Variants in IPO13 observed in about 807,000 individuals in gnomAD.
The protein encoded by IPO13 is importin 13.
A neutral mutation model predicts 115.5 loss-of-function variants in IPO13; 28 were observed. That is an observed-to-expected ratio of 0.24 (90% CI 0.18 to 0.33). The LOEUF (loss-of-function observed/expected upper bound fraction) is 0.33. Among genes scored for constraint, IPO13 ranks in the 10% least tolerant of loss-of-function variants. The pLI is 1.00. For synonymous variants in IPO13, 414 were observed against 478.9 expected (o/e 0.86, Z 1.77); for missense variants, 785 against 1,204.6 (o/e 0.65, Z 5.16).
At chr1:43,961,294 G>T in intron 14 of IPO13, 32 bp downstream of exon 14, 3 of 1,511,772 alleles carry the variant, frequency 2.0e-6, no homozygotes, top group Non-Finnish European at 1.8e-6. Context: ...TGCTGCTGCT[G>T]CCACTGCCAC....
chr1:43,949,518 C>T lies in IPO13; in HGVS notation c.186C>T (p.Ser62=), dbSNP rs150923394. ...AQVSPQAWHF[S]WQLLQPDKVP... The stretch of plus-strand genomic sequence containing the variant: ...TCTCCCCACAGGCCTGGCACTTCAG[C>T]TGGCAGCTACTGCAGCCCGACAAGG... Residue 62 remains serine, a synonymous_variant, in exon 2 of 20, where the codon AGC becomes AGT. Coordinates refer to ENST00000372343, the MANE Select transcript of IPO13 (RefSeq NM_014652.4). 3.7e-6 allele frequency: 6 copies of T among 1,614,088 alleles called. No individual in the cohort carries two copies. The African/African-American group carries it at 6.7e-5, about 18-fold the overall frequency.
In IPO13 at chr1:43,956,167, A is replaced by G. The variant is rs1005040333; in HGVS notation, c.822-153A>G. ...GTTCTTCCCAACATTGGGAACATCA[A>G]ATCTGCCATGTAGACCCTGACCCTT... On this transcript the variant is annotated intron_variant, in intron 2 of 19. Transcript: ENST00000372343. The surrounding 1 kb of genome is among the most constrained non-coding windows in gnomAD (Gnocchi z 4.7). 8.6e-5 allele frequency among the ~76,000 whole-genome samples: 13 copies of G among 152,006 alleles called. No homozygotes were observed. Among genetic ancestry groups the G allele is most frequent in the African/African-American group, 2.9e-4 (12 of 41,284 alleles).
Position 43,958,083 on chromosome 1 carries a change from C to T in IPO13, c.1647C>T (p.Ser549=). ...GNPELSVSSV[S]TLKKICRECK... ...CTGAGCTGTCTGTCTCTTCTGTGTCCACCCTCAAGAAGATCTGCCGAGAGT... is the reference window on the plus strand; with the variant it reads ...CTGAGCTGTCTGTCTCTTCTGTGTCTACCCTCAAGAAGATCTGCCGAGAGT... The change falls in exon 8 of 20, where the codon TCC becomes TCT. Residue 549 remains serine, a synonymous_variant. Transcript: ENST00000372343. This position sits in a 1 kb window ranked among gnomAD's most constrained non-coding sequence, Gnocchi z 6.3. 1 of 1,614,138 alleles carries T rather than the reference C, an allele frequency of 6.2e-7. No homozygotes were observed. Among genetic ancestry groups the T allele is most frequent in the Non-Finnish European group, 8.5e-7 (1 of 1,179,972 alleles).
Position 43,947,429 on chromosome 1 carries a change from C to T in IPO13, c.-172C>T, listed in dbSNP as rs1047873350. The T allele has an allele frequency of 1.5e-5, 6 of 403,860 alleles. No homozygotes were observed. The highest frequency in any genetic ancestry group is 2.2e-5 in the Non-Finnish European group (5 of 229,670). The allele number at this position is 403,860 out of a possible 1,614,324, so 25.0% of individuals were successfully genotyped here. The stretch of plus-strand genomic sequence containing the variant: ...GCACCAATTTTGGTCTCTGGCAAGC[C>T]TCCCACCCCCAAACGAGGTGGGGAG... On this transcript the variant is annotated 5_prime_UTR_variant, in exon 1 of 20. Transcript: ENST00000372343.
At chr1:43,953,189 C>T (rs754045951) in intron 2 of IPO13, 1 of 152,234 alleles carries the variant, frequency 6.6e-6, no homozygotes, top group African/African-American at 2.4e-5. Flanking sequence ...TAGCAACTCT[C>T]CCCATTTTCT....
chr1:43,960,329 G>T lies in IPO13; in HGVS notation c.2109G>T (p.Glu703Asp), dbSNP rs1217574940. The change falls in exon 12 of 20, where the codon GAG becomes GAT. Residue 703 changes from glutamate (E) to aspartate (D), a missense_variant and splice_region_variant. By Grantham distance (45) the Glu-to-Asp change is conservative. Coordinates refer to ENST00000372343, the MANE Select transcript of IPO13 (RefSeq NM_014652.4). ...SKWLNDAQVV[E>D]AVCAIFEKSV... ...GGTTGAATGATGCCCAGGTTGTGGA[G>T]GTGAGCCCTGACCCTTGCCCTCCGC... 6.2e-7 allele frequency: 1 copy of T among 1,614,074 alleles called. No individual in the cohort carries two copies. The highest frequency in any genetic ancestry group is 8.5e-7 in the Non-Finnish European group (1 of 1,179,948).
chr1:43,967,138 A>C lies in IPO13; in HGVS notation c.2613+119A>C. ...AGCTCTCAGATTCTGTTTCTTCTTCAATTAAATGCCTGAAAGTTGTTAGGA... is the reference window on the plus strand; with the variant it reads ...AGCTCTCAGATTCTGTTTCTTCTTCCATTAAATGCCTGAAAGTTGTTAGGA... On this transcript the variant is annotated intron_variant, in intron 18 of 19. Coordinates refer to ENST00000372343, the MANE Select transcript of IPO13 (RefSeq NM_014652.4). This position sits in a 1 kb window ranked among gnomAD's most constrained non-coding sequence, Gnocchi z 6.1. 1 of 1,141,444 alleles carries C rather than the reference A, an allele frequency of 8.8e-7. No homozygotes were observed. Among genetic ancestry groups the C allele is most frequent in the Non-Finnish European group, 1.3e-6 (1 of 768,142 alleles). The allele number at this position is 1,141,444 out of a possible 1,614,324, so 70.7% of individuals were successfully genotyped here.
At chr1:43,954,360 G>A (rs2085230003) in intron 2 of IPO13, among the ~76,000 whole-genome samples, 1 of 152,188 alleles carries the variant, frequency 6.6e-6, no homozygotes, top group Admixed American at 6.5e-5. Context: ...ACCAGAATGG[G>A]GATGTGGAGA....
chr1:43,963,625 T>C (rs1361193219), intron 14 of IPO13, among the ~76,000 whole-genome samples: 2 of 152,204 alleles, frequency 1.3e-5, no homozygotes, highest in African/African-American at 4.8e-5. Context: ...GCCCTGCCAG[T>C]GACTTGCCAG....
At chr1:43,951,849 G>A (rs182893347) in intron 2 of IPO13, among the ~76,000 whole-genome samples, 1 of 152,158 alleles carries the variant, frequency 6.6e-6, no homozygotes, top group Admixed American at 6.5e-5. Flanking sequence ...ATCCCAGATG[G>A]TTCACTTATT....
In IPO13 at chr1:43,958,116, T is replaced by C. The variant is rs1446630213; in HGVS notation, c.1680T>C (p.Tyr560=). Residue 560 remains tyrosine, a synonymous_variant, in exon 8 of 20, where the codon TAT becomes TAC. Transcript: ENST00000372343. The surrounding 1 kb of genome is among the most constrained non-coding windows in gnomAD (Gnocchi z 6.3). ...AGAAGATCTGCCGAGAGTGCAAGTA[T>C]GACCTGCCTCCCTATGCTGCCAACA... ...TLKKICRECK[Y]DLPPYAANIV... The C allele has an allele frequency of 1.2e-6, 2 of 1,614,086 alleles. No individual in the cohort carries two copies. The highest frequency in any genetic ancestry group is 2.7e-5 in the African/African-American group (2 of 74,922).
intron 7 of IPO13, 115 bp from the exon 8 acceptor site, chr1:43,957,862 A>T: frequency 1.0e-6 from 1 of 977,572 alleles, no homozygotes; most frequent in South Asian, 1.4e-5. Flanking sequence ...ATGGGGCAGT[A>T]CTCTGTGCTG....
rs994890888 is a variant in IPO13 at position 43,956,104 on chromosome 1, G to A, written c.822-216G>A. Among the ~76,000 whole-genome samples the A allele has an allele frequency of 2.0e-5, 3 of 151,608 alleles. No individual in the cohort carries two copies. Among genetic ancestry groups the A allele is most frequent in the South Asian group, 2.1e-4 (1 of 4,818 alleles). On this transcript the variant is annotated intron_variant, in intron 2 of 19. Transcript: ENST00000372343. This position sits in a 1 kb window ranked among gnomAD's most constrained non-coding sequence, Gnocchi z 4.7. ...ACCCATAATGCTGACCTTCTCATAC[G>A]TCCTTCTCAGAGTTCTTCTGGGGGT...
intron 2 of IPO13, among the ~76,000 whole-genome samples, chr1:43,954,287 C>G (rs2085229625): frequency 6.6e-6 from 1 of 152,174 alleles, no homozygotes; most frequent in East Asian, 1.9e-4. Flanking sequence ...CCGGCTGTCT[C>G]CAGGCAGCAC....
At position 43,956,460 on chromosome 1, in the gene IPO13, G is replaced by A. The variant is rs1190518168; in HGVS notation, c.962G>A (p.Arg321Gln). Reference protein sequence around the residue: ...IAVALGENHSRALLDQVEHWQ... With the variant: ...IAVALGENHSQALLDQVEHWQ... The stretch of plus-strand genomic sequence containing the variant: ...GTGGCCCTGGGCGAGAACCACTCCC[G>A]GTAAAGGGTGGAGCAGCTTGGGGTG... The change falls in exon 3 of 20, where the codon CGG (arginine) becomes CAG (glutamine). Residue 321 changes from arginine to glutamine, a missense_variant and splice_region_variant. This residue lies in a region of IPO13 where 325 missense variants were observed against 449.8 expected (regional missense o/e 0.72). Coordinates refer to ENST00000372343, the MANE Select transcript of IPO13 (RefSeq NM_014652.4). The surrounding 1 kb of genome is among the most constrained non-coding windows in gnomAD (Gnocchi z 4.7). 1.9e-6 allele frequency: 3 copies of A among 1,614,156 alleles called. No homozygotes were observed. Among genetic ancestry groups the A allele is most frequent in the Non-Finnish European group, 2.5e-6 (3 of 1,180,030 alleles).
Position 43,966,454 on chromosome 1 carries a change from T to G in IPO13, c.2398-121T>G. 1.0e-6 allele frequency: 1 copy of G among 960,784 alleles called. No homozygotes were observed. The allele number at this position is 960,784 out of a possible 1,614,324, so 59.5% of individuals were successfully genotyped here. On this transcript the variant is annotated intron_variant, in intron 15 of 19. Coordinates refer to ENST00000372343, the MANE Select transcript of IPO13 (RefSeq NM_014652.4). This position sits in a 1 kb window ranked among gnomAD's most constrained non-coding sequence, Gnocchi z 4.1. ...TCCGGGTCCCCCAGAGATGGCTGGG[T>G]AGCTGGTTTTGGCAGCCTCTACCTG...
chr1:43,961,998 C>CA (rs1363908724), intron 14 of IPO13, among the ~76,000 whole-genome samples: 1 of 151,876 alleles, frequency 6.6e-6, no homozygotes, highest in African/African-American at 2.4e-5. Flanking sequence ...GAAACAAAAA[C>CA]AAAAAAACAG....
At chr1:43,961,323 TG>T in intron 14 of IPO13, 61 bp downstream of exon 14, 1 of 1,377,232 alleles carries the variant, frequency 7.3e-7, no homozygotes, top group Non-Finnish European at 1.0e-6. Context: ...CTTCCCCAAA[TG>T]GGGAGCCAAA....
chr1:43,951,132 A>G (rs532119406), intron 2 of IPO13, among the ~76,000 whole-genome samples: 11 of 152,326 alleles, frequency 7.2e-5, no homozygotes, highest in African/African-American at 1.7e-4. Context: ...GCATCATGAT[A>G]TATTCAAGGG....
Sources: allele counts gnomAD v4.1 joint callset (sites outside exome capture counted in the v4.1 genomes callset), GRCh38; gene constraint gnomAD v4.1.1; regional missense constraint gnomAD v4.1.1; non-coding constraint Gnocchi (gnomAD v3.1); transcripts MANE v1.5; gene names NCBI Gene and HGNC (gene_info 2026-07-23, HGNC 2026-07-21).